Variants in SGPP2 observed in about 807,000 individuals in gnomAD.
SGPP2 encodes the protein sphingosine 1-phosphate phosphohydrolase 2.
A neutral mutation model predicts 33.9 loss-of-function variants in SGPP2; 30 were observed. The ratio of observed to expected loss-of-function variants is 0.89; its 90% CI spans 0.66 to 1.20. The LOEUF is 1.20. SGPP2 is among the 50% of genes most tolerant of loss of function. SGPP2 has a pLI of 0.00. For synonymous variants in SGPP2, 233 were observed against 225.0 expected (o/e 1.04, Z -0.32); for missense variants, 458 against 532.1 (o/e 0.86, Z 1.37).
chr2:222,542,482 G>A (rs56206617), intron 4 of SGPP2, among the ~76,000 whole-genome samples: 5,988 of 152,234 alleles, frequency 0.039, 193 homozygotes, highest in African/African-American at 0.083. Flanking sequence ...GCTTTAGTAT[G>A]TTCCATTGTT....
In SGPP2 at chr2:222,476,780, G is replaced by T. The variant is rs1374843854; in HGVS notation, c.378+2054G>T. On this transcript the variant is annotated intron_variant, in intron 2 of 4. Coordinates refer to ENST00000321276, the MANE Select transcript of SGPP2 (RefSeq NM_152386.4). This position sits in a 1 kb window ranked among gnomAD's most constrained non-coding sequence, Gnocchi z 4.3. ...TATATAGGTGTGTATATATGCGTAT[G>T]TGTGTATACAGGTGTGTGTATATCC... is the stretch of plus-strand genomic sequence containing the variant. Among the ~76,000 whole-genome samples the T allele has an allele frequency of 2.0e-5, 3 of 151,570 alleles. No individual in the cohort carries two copies. The highest frequency in any genetic ancestry group is 4.4e-5 in the Non-Finnish European group (3 of 67,860).
intron 1 of SGPP2, chr2:222,452,472 C>G: frequency 1.1e-5 from 9 of 828,620 alleles, no homozygotes; most frequent in South Asian, 6.6e-5. Flanking sequence ...TACTAAAATA[C>G]CTAGTTGTCT....
chr2:222,473,819 G>A (rs1697887042), intron 1 of SGPP2, among the ~76,000 whole-genome samples: 2 of 151,456 alleles, frequency 1.3e-5, no homozygotes, highest in Admixed American at 1.3e-4. Flanking sequence ...AGCTACTCGG[G>A]AGGCTGAGGC....
rs1174150346 is a variant in SGPP2 at position 222,558,632 on chromosome 2, A to G, written c.934A>G (p.Asn312Asp). 1 of 1,614,198 alleles carries G rather than the reference A, an allele frequency of 6.2e-7. No individual in the cohort carries two copies. Among genetic ancestry groups the G allele is most frequent in the South Asian group, 1.1e-5 (1 of 91,078 alleles). ...KPAESLPVIQ[N>D]IPPLTTYMLV... The stretch of plus-strand genomic sequence containing the variant: ...CGCTGAATCTCTCCCTGTTATTCAG[A>G]ACATCCCACCACTCACCACCTACAT... The change falls in exon 5 of 5, where the codon AAC becomes GAC. Residue 312 changes from asparagine to aspartate, a missense_variant. Transcript: ENST00000321276.
chr2:222,489,573 TA>T (rs55636429), intron 2 of SGPP2, among the ~76,000 whole-genome samples: 86 of 150,436 alleles, frequency 5.7e-4, no homozygotes, highest in Admixed American at 1.3e-4. Context: ...GACTGAGCTT[TA>T]AAAAAAAAAA....
intron 1 of SGPP2, among the ~76,000 whole-genome samples, chr2:222,438,169 C>A (rs938271982): frequency 6.6e-6 from 1 of 151,634 alleles, no homozygotes; most frequent in Non-Finnish European, 1.5e-5. Context: ...GTAGAAGGGG[C>A]CAAATGCAGC....
chr2:222,504,610 G>A (rs1574865751), intron 2 of SGPP2: 1 of 152,172 alleles, frequency 6.6e-6, no homozygotes, highest in South Asian at 2.1e-4. Flanking sequence ...TTTGATGTTG[G>A]GGGGATCTTG....
chr2:222,492,644 G>A (rs530396521), intron 2 of SGPP2, among the ~76,000 whole-genome samples: 1 of 152,348 alleles, frequency 6.6e-6, no homozygotes, highest in South Asian at 2.1e-4. Context: ...TGTTGTCTTA[G>A]CAATTAGAAT....
intron 1 of SGPP2, among the ~76,000 whole-genome samples, chr2:222,430,614 C>T (rs1398037680): frequency 6.6e-6 from 1 of 152,156 alleles, no homozygotes; most frequent in Non-Finnish European, 1.5e-5. Flanking sequence ...CCACCACAGC[C>T]AGCCTCCCTA....
intron 1 of SGPP2, among the ~76,000 whole-genome samples, chr2:222,449,432 C>T (rs1697448947): frequency 6.6e-6 from 1 of 152,014 alleles, no homozygotes; most frequent in African/African-American, 2.4e-5. Context: ...AGAACACGTG[C>T]CCCATCCTAA....
intron 4 of SGPP2, among the ~76,000 whole-genome samples, chr2:222,549,011 C>A (rs1689248703): frequency 6.6e-6 from 1 of 152,216 alleles, no homozygotes; most frequent in Non-Finnish European, 1.5e-5. Flanking sequence ...ATGTCAGTGT[C>A]TGCTTGCCTA....
chr2:222,455,703 CTAAT>C (rs1274884078), intron 1 of SGPP2, among the ~76,000 whole-genome samples: 3 of 152,170 alleles, frequency 2.0e-5, no homozygotes, highest in African/African-American at 7.2e-5. Flanking sequence ...TGATATTTGA[CTAAT>C]TAGGCTTTAT....
intron 1 of SGPP2, among the ~76,000 whole-genome samples, chr2:222,464,782 C>G (rs1483570042): frequency 6.6e-6 from 1 of 152,108 alleles, no homozygotes; most frequent in Non-Finnish European, 1.5e-5. Context: ...TGCACCCAGC[C>G]CAAGCACAGG....
intron 1 of SGPP2, 133 bp from the exon 2 acceptor site, chr2:222,474,435 C>T (rs10208082): frequency 0.29 from 200,789 of 696,310 alleles, 30,271 homozygotes; most frequent in East Asian, 0.43. Flanking sequence ...TCAGCCACAG[C>T]AATGATACCT....
At chr2:222,436,166 A>G (rs1697236942) in intron 1 of SGPP2, among the ~76,000 whole-genome samples, 5 of 152,232 alleles carry the variant, frequency 3.3e-5, no homozygotes, top group Admixed American at 3.3e-4. Context: ...GGAGGAGCCC[A>G]AAGTGTCCAG....
chr2:222,432,465 C>A (rs1371199611), intron 1 of SGPP2, among the ~76,000 whole-genome samples: 1 of 152,212 alleles, frequency 6.6e-6, no homozygotes, highest in African/African-American at 2.4e-5. Context: ...GAGTGAAAGG[C>A]AGCCTTCTAT....
chr2:222,519,559 T>TA (rs1253247065), intron 2 of SGPP2, among the ~76,000 whole-genome samples: 3 of 152,184 alleles, frequency 2.0e-5, no homozygotes, highest in Non-Finnish European at 2.9e-5. Flanking sequence ...AATTCTTTTT[T>TA]AAAAAAATCA....
At chr2:222,443,889 G>T (rs1697361571) in intron 1 of SGPP2, among the ~76,000 whole-genome samples, 1 of 152,134 alleles carries the variant, frequency 6.6e-6, no homozygotes, top group African/African-American at 2.4e-5. Flanking sequence ...TACCACCTTG[G>T]TTTCCTTATC....
chr2:222,529,833 A>G, intron 4 of SGPP2, among the ~76,000 whole-genome samples: 1 of 152,206 alleles, frequency 6.6e-6, no homozygotes, highest in East Asian at 1.9e-4. Flanking sequence ...TTTTCAATTT[A>G]CTTTGTCCAG....
Sources: gnomAD v4.1 joint callset for allele counts (sites outside exome capture counted in the v4.1 genomes callset) on GRCh38, gnomAD v4.1.1 for gene constraint, Gnocchi (gnomAD v3.1) non-coding constraint, MANE v1.5 for transcripts, NCBI Gene and HGNC (gene_info 2026-07-23, HGNC 2026-07-21) for gene names.